The following NR1I2 variants were observed in gnomAD, a reference collection of about 807,000 sequenced individuals.
NR1I2 encodes nuclear receptor subfamily 1 group I member 2.
A neutral mutation model predicts 43.3 loss-of-function variants in NR1I2; 42 were observed. The observed-to-expected ratio is 0.97, with a 90% CI of 0.76 to 1.26. The LOEUF is 1.26. Ranked by LOEUF, NR1I2 falls within the 50% of genes most tolerant of loss-of-function variation. The pLI, the probability that NR1I2 is intolerant of heterozygous loss-of-function variation, is 0.00. For synonymous variants in NR1I2, 229 were observed against 215.0 expected, an observed-to-expected ratio of 1.06 and a Z score of -0.57; for missense variants, 559 against 566.7, an observed-to-expected ratio of 0.99 and a Z score of 0.14.
intron 1 of NR1I2, among the ~76,000 whole-genome samples, chr3:119,800,127 A>G (rs2055058965): frequency 6.6e-6 from 1 of 152,144 alleles, no homozygotes. Flanking sequence ...TAGCTCTTAC[A>G]TTTAGGTCTA....
At chr3:119,815,540 C>A in intron 7 of NR1I2, 101 bp downstream of exon 7, 1 of 1,131,118 alleles carries the variant, frequency 8.8e-7, no homozygotes, top group Non-Finnish European at 1.3e-6. Context: ...CACTGCGCAG[C>A]CAGGATGGGG....
At chr3:119,793,296 C>T (rs1353071197) in intron 1 of NR1I2, among the ~76,000 whole-genome samples, 1 of 152,120 alleles carries the variant, frequency 6.6e-6, no homozygotes, top group Non-Finnish European at 1.5e-5. Context: ...TTGCTGCCCA[C>T]CCATTCTCTT....
intron 1 of NR1I2, among the ~76,000 whole-genome samples, chr3:119,786,807 T>G (rs943520980): frequency 6.6e-6 from 1 of 152,208 alleles, no homozygotes; most frequent in Non-Finnish European, 1.5e-5. Flanking sequence ...TGACTTTGGC[T>G]ATCTGAGTTT....
intron 5 of NR1I2, 30 bp downstream of exon 5, chr3:119,812,990 T>G: frequency 6.2e-7 from 1 of 1,608,842 alleles, no homozygotes; most frequent in South Asian, 1.1e-5. Context: ...TGGTTGGGTG[T>G]GGAAAAGAAC....
Position 119,817,383 on chromosome 3 carries a change from A to C in NR1I2, c.*171A>C. ...CTGGCTAGCATTCCTCAGGAAGGAC[A>C]TGGGTGCCCCCCACCCCCAGTTCAG... On this transcript the variant is annotated 3_prime_UTR_variant, in exon 9 of 9. Transcript: ENST00000393716. 6.7e-7 allele frequency: 1 copy of C among 1,489,442 alleles called. No individual in the cohort carries two copies. Among genetic ancestry groups the C allele is most frequent in the South Asian group, 1.3e-5 (1 of 76,908 alleles). The allele number at this position is 1,489,442 out of a possible 1,614,324, so 92.3% of individuals were successfully genotyped here.
At chr3:119,804,923 A>G (rs1362152539) in intron 1 of NR1I2, among the ~76,000 whole-genome samples, 2 of 152,152 alleles carry the variant, frequency 1.3e-5, no homozygotes, top group Admixed American at 6.5e-5. Context: ...CATTTCAACA[A>G]GCACACTTTA....
intron 1 of NR1I2, chr3:119,792,477 C>T (rs1312168651): frequency 8.3e-5 from 90 of 1,080,046 alleles, no homozygotes; most frequent in Non-Finnish European, 1.2e-4. Flanking sequence ...GAGGACATCA[C>T]GTACCAGCTC....
intron 1 of NR1I2, chr3:119,782,788 G>C: frequency 6.2e-7 from 1 of 1,614,164 alleles, no homozygotes; most frequent in Non-Finnish European, 8.5e-7. Context: ...CCACTTCAAG[G>C]AGGGGTCCCT....
At chr3:119,782,416 G>A (rs749084313) in intron 1 of NR1I2, 116 bp downstream of exon 1, 83 of 284,504 alleles carry the variant, frequency 2.9e-4, no homozygotes, top group Non-Finnish European at 4.9e-4. Flanking sequence ...ATAGTGGGTC[G>A]TGAATCATGT....
chr3:119,796,450 C>T (rs2055000367), intron 1 of NR1I2, among the ~76,000 whole-genome samples: 1 of 152,200 alleles, frequency 6.6e-6, no homozygotes, highest in African/African-American at 2.4e-5. Flanking sequence ...CTCAATGCTG[C>T]TTCGCATCCC....
chr3:119,805,205 CAG>C (rs551888245), intron 1 of NR1I2, among the ~76,000 whole-genome samples: 47 of 151,828 alleles, frequency 3.1e-4, no homozygotes, highest in African/African-American at 1.0e-3. Context: ...TTTGATAACT[CAG>C]GGCATTTTCT....
intron 1 of NR1I2, chr3:119,792,115 T>C (rs2054928339): frequency 2.6e-6 from 2 of 776,842 alleles, no homozygotes; most frequent in Non-Finnish European, 4.7e-6. Context: ...TTTGGGCCTG[T>C]CACTAGCCAG....
Position 119,810,212 on chromosome 3 carries a change from G to T in NR1I2, c.331+18G>T. The T allele has an allele frequency of 6.3e-7, 1 of 1,581,038 alleles. No individual in the cohort carries two copies. The highest frequency in any genetic ancestry group is 8.6e-7 in the Non-Finnish European group (1 of 1,163,520). ...GAAGGAGAGTGAGCAGTGGGCGCGC[G>T]GGCGGGCCGGCGCCGGGGTGCACGG... On this transcript the variant is annotated intron_variant, in intron 3 of 8. Coordinates refer to ENST00000393716, the MANE Select transcript of NR1I2 (RefSeq NM_003889.4).
At chr3:119,783,558 T>C (rs2054806609) in intron 1 of NR1I2, among the ~76,000 whole-genome samples, 1 of 152,210 alleles carries the variant, frequency 6.6e-6, no homozygotes, top group African/African-American at 2.4e-5. Context: ...GCTGTCAACT[T>C]GTTCCAAAAT....
rs1351112267 is a variant in NR1I2 at position 119,817,571 on chromosome 3, C to A, written c.*359C>A. 1.7e-6 allele frequency: 2 copies of A among 1,185,322 alleles called. No homozygotes were observed. The highest frequency in any genetic ancestry group is 3.6e-5 in the South Asian group (2 of 55,664). 73.4% of individuals were successfully genotyped at this position (1,185,322 alleles called of 1,614,324 possible). A position where few individuals can be genotyped will look rare whatever the true frequency, so the allele number is the denominator to read the frequency against. ...GTGTCAAGGTGTGGAAGGGACCAAG[C>A]GACCAAGGATGGGCCATCTGGGGTC... is the stretch of plus-strand genomic sequence containing the variant. On this transcript the variant is annotated 3_prime_UTR_variant, in exon 9 of 9. Transcript: ENST00000393716.
intron 1 of NR1I2, among the ~76,000 whole-genome samples, chr3:119,794,398 C>T (rs2054965907): frequency 6.6e-6 from 1 of 151,728 alleles, no homozygotes; most frequent in Non-Finnish European, 1.5e-5. Context: ...CTCACCATGT[C>T]ACCCAGGCAT....
At chr3:119,812,985 G>T in intron 5 of NR1I2, 25 bp downstream of exon 5, 1 of 1,609,744 alleles carries the variant, frequency 6.2e-7, no homozygotes, top group Non-Finnish European at 8.5e-7. Flanking sequence ...CTGGGTGGTT[G>T]GGTGTGGAAA....
Position 119,811,601 on chromosome 3 carries a change from C to T in NR1I2, c.394C>T (p.Arg132Trp), listed in dbSNP as rs772838074. 5.1e-5 allele frequency: 83 copies of T among 1,613,692 alleles called. No homozygotes were observed. The highest frequency in any genetic ancestry group is 2.4e-4 in the South Asian group (22 of 91,016). Residue 132 changes from arginine (R) to tryptophan (W), a missense_variant, in exon 4 of 9, where the codon CGG becomes TGG. Arg to Trp is a moderately radical substitution (Grantham distance 101). Transcript: ENST00000393716. ...CTTGATCAAGCGGAAGAAAAGTGAA[C>T]GGACAGGGACTCAGCCACTGGGAGT...
chr3:119,782,580 C>A (rs1056951044), intron 1 of NR1I2: 43 of 602,240 alleles, frequency 7.1e-5, no homozygotes, highest in Non-Finnish European at 1.2e-4. Flanking sequence ...GCATGAGTTA[C>A]CACAAGTCAC....
Sources: allele counts gnomAD v4.1 joint callset (sites outside exome capture counted in the v4.1 genomes callset), GRCh38; gene constraint gnomAD v4.1.1; transcripts MANE v1.5; gene names NCBI Gene and HGNC (gene_info 2026-07-23, HGNC 2026-07-21).